The following FHIT variants were observed in gnomAD, a reference collection of about 807,000 sequenced individuals.
FHIT encodes the protein fragile histidine triad diadenosine triphosphatase.
FHIT carries 19 observed loss-of-function variants against 17.9 expected under a neutral mutation model. The ratio of observed to expected loss-of-function variants is 1.06; its 90% CI spans 0.74 to 1.56. FHIT has a LOEUF of 1.56. Ranked by LOEUF, FHIT falls within the 40% of genes most tolerant of loss-of-function variation. The pLI, the probability that FHIT is intolerant of heterozygous loss-of-function variation, is 0.00. For missense variants in FHIT, 248 were observed against 189.2 expected, an observed-to-expected ratio of 1.31 and a Z score of -1.82; for synonymous variants, 81 against 69.7, an observed-to-expected ratio of 1.16 and a Z score of -0.81.
intron 5 of FHIT, among the ~76,000 whole-genome samples, chr3:60,411,482 C>T (rs1300693235): frequency 6.6e-6 from 1 of 152,074 alleles, no homozygotes; most frequent in Non-Finnish European, 1.5e-5. Context: ...TGAGGAACTG[C>T]CAAACGTTGT....
At chr3:59,782,323 G>T (rs73840817) in intron 8 of FHIT, among the ~76,000 whole-genome samples, 6,296 of 152,106 alleles carry the variant, frequency 0.041, 195 homozygotes, top group South Asian at 0.081. Flanking sequence ...CTGGGTTGTT[G>T]TGTGCCTGTA....
intron 8 of FHIT, among the ~76,000 whole-genome samples, chr3:59,789,604 C>G (rs1222258720): frequency 6.6e-6 from 1 of 152,096 alleles, no homozygotes; most frequent in African/African-American, 2.4e-5. Flanking sequence ...CTTGGTAACT[C>G]GTTTTGTCTT....
At chr3:60,349,286 T>G (rs1477698245) in intron 5 of FHIT, among the ~76,000 whole-genome samples, 1 of 152,158 alleles carries the variant, frequency 6.6e-6, no homozygotes, top group African/African-American at 2.4e-5. Context: ...AGCCACCAAG[T>G]GTCAACCTCT....
intron 3 of FHIT, among the ~76,000 whole-genome samples, chr3:60,917,439 G>A (rs4974249): frequency 0.24 from 36,334 of 152,044 alleles, 5,464 homozygotes; most frequent in East Asian, 0.61. Context: ...AAATCAGATC[G>A]CATCATTTCC....
intron 4 of FHIT, among the ~76,000 whole-genome samples, chr3:60,766,388 T>C (rs1553721456): frequency 6.6e-6 from 1 of 152,172 alleles, no homozygotes. Context: ...GCTTACTGTC[T>C]CCATCTCTCC....
intron 5 of FHIT, among the ~76,000 whole-genome samples, chr3:60,421,863 G>C (rs1240081346): frequency 1.3e-5 from 2 of 152,098 alleles, no homozygotes; most frequent in African/African-American, 4.8e-5. Context: ...GATGAGTATG[G>C]AAAATGCATA....
At chr3:61,199,046 C>T (rs1242957847) in intron 2 of FHIT, among the ~76,000 whole-genome samples, 1 of 151,820 alleles carries the variant, frequency 6.6e-6, no homozygotes, top group Non-Finnish European at 1.5e-5. Context: ...CTACATGAAG[C>T]CAAAAACAGT....
intron 5 of FHIT, among the ~76,000 whole-genome samples, chr3:60,031,144 ATGT>A (rs1004572852): frequency 7.9e-5 from 12 of 152,358 alleles, no homozygotes; most frequent in African/African-American, 2.9e-4. Context: ...CAACAGAGAA[ATGT>A]TGTTTCTACA....
At chr3:60,238,129 G>C (rs2107566876) in intron 5 of FHIT, among the ~76,000 whole-genome samples, 1 of 136,986 alleles carries the variant, frequency 7.3e-6, no homozygotes, top group South Asian at 2.4e-4. Flanking sequence ...CTGGCACCAA[G>C]CGAGACTCCG....
chr3:60,867,550 T>C (rs1004972573), intron 3 of FHIT, among the ~76,000 whole-genome samples: 1 of 152,178 alleles, frequency 6.6e-6, no homozygotes, highest in African/African-American at 2.4e-5. Flanking sequence ...TTACAGATAC[T>C]ACTTGTTTCA....
intron 3 of FHIT, among the ~76,000 whole-genome samples, chr3:60,955,610 A>ATATG (rs1559862270): frequency 6.9e-4 from 9 of 13,114 alleles, no homozygotes; most frequent in Admixed American, 1.8e-3. Flanking sequence ...ATATATATAT[A>ATATG]TATATATATA....
At chr3:60,493,839 T>C (rs1356432561) in intron 5 of FHIT, among the ~76,000 whole-genome samples, 1 of 152,176 alleles carries the variant, frequency 6.6e-6, no homozygotes, top group Non-Finnish European at 1.5e-5. Context: ...TTTAAGAGCA[T>C]AATGGAGTGT....
chr3:60,976,054 T>A (rs1710220072), intron 3 of FHIT, among the ~76,000 whole-genome samples: 1 of 148,792 alleles, frequency 6.7e-6, no homozygotes. Context: ...TTCTTCAGGA[T>A]AACACCTCCA....
chr3:60,337,493 T>C (rs1710301000), intron 5 of FHIT, among the ~76,000 whole-genome samples: 1 of 152,210 alleles, frequency 6.6e-6, no homozygotes, highest in Non-Finnish European at 1.5e-5. Flanking sequence ...CATTCTTCCT[T>C]TGCTGCTAAT....
Position 60,652,977 on chromosome 3 carries a change from G to A in FHIT, c.-17-115998C>T, listed in dbSNP as rs180786526. ...ACAAAACCTTACTCTAGCACATTGC[G>A]ATTCCCCAGTTCCCATGCACACACC... On this transcript the variant is annotated intron_variant, in intron 4 of 9. Coordinates refer to ENST00000492590, the MANE Select transcript of FHIT (RefSeq NM_002012.4). Among the ~76,000 whole-genome samples, 31 of 149,018 alleles carry A rather than the reference G, an allele frequency of 2.1e-4. No individual in the cohort carries two copies. The East Asian group carries it at 5.1e-3, about 25-fold the overall frequency.
intron 4 of FHIT, among the ~76,000 whole-genome samples, chr3:60,801,215 C>G (rs547912845): frequency 6.6e-6 from 1 of 152,320 alleles, no homozygotes; most frequent in East Asian, 1.9e-4. Context: ...CCCCACCAGT[C>G]AGGGGTTATT....
chr3:61,141,793 C>T (rs1173895021), intron 2 of FHIT, among the ~76,000 whole-genome samples: 2 of 151,604 alleles, frequency 1.3e-5, no homozygotes, highest in Admixed American at 1.3e-4. Context: ...ATTGTAATGG[C>T]AATGACATTT....
chr3:61,216,793 A>G (rs991363458), intron 1 of FHIT, among the ~76,000 whole-genome samples: 6 of 152,194 alleles, frequency 3.9e-5, no homozygotes, highest in Non-Finnish European at 7.3e-5. Flanking sequence ...GCACATATAT[A>G]CCATGGAATA....
At chr3:60,792,660 C>G (rs1553728898) in intron 4 of FHIT, among the ~76,000 whole-genome samples, 1 of 152,128 alleles carries the variant, frequency 6.6e-6, no homozygotes, top group East Asian at 1.9e-4. Flanking sequence ...TGACAATGAA[C>G]TCTGGACTCA....
Sources: allele counts gnomAD v4.1 joint callset (sites outside exome capture counted in the v4.1 genomes callset), GRCh38; gene constraint gnomAD v4.1.1; transcripts MANE v1.5; gene names NCBI Gene and HGNC (gene_info 2026-07-23, HGNC 2026-07-21).